Variants in NDEL1 observed in about 807,000 individuals in gnomAD.
NDEL1 encodes the protein nudE neurodevelopment protein 1 like 1, also known as nuclear distribution protein nudE-like 1.
A neutral mutation model predicts 45.7 loss-of-function variants in NDEL1; 9 were observed. The ratio of observed to expected loss-of-function variants is 0.20; its 90% CI spans 0.12 to 0.34. The LOEUF (loss-of-function observed/expected upper bound fraction) is 0.34. Ranked by LOEUF, NDEL1 falls within the 10% of genes least tolerant of loss-of-function variation. The pLI is 1.00. For synonymous variants in NDEL1, 133 were observed against 158.6 expected, an observed-to-expected ratio of 0.84 and a Z score of 1.21; for missense variants, 306 against 406.2, an observed-to-expected ratio of 0.75 and a Z score of 2.12.
At chr17:8,428,328 GTGTGTGTGTGTGTGT>G (rs1908895033) in intron 1 of NDEL1, among the ~76,000 whole-genome samples, 7 of 130,570 alleles carry the variant, frequency 5.4e-5, no homozygotes, top group Admixed American at 8.0e-5. Context: ...TGTGTGGTGT[GTGTGTGTGTGTGTGT>G]GTGTGTGTGT....
downstream of NDEL1, among the ~76,000 whole-genome samples, chr17:8,472,713 C>T (rs764364228): frequency 4.1e-5 from 6 of 145,476 alleles, no homozygotes; most frequent in Non-Finnish European, 9.0e-5. Flanking sequence ...AAATAGTCCA[C>T]TGGAATGGCT....
chr17:8,432,477 C>T (rs1032970300), upstream of NDEL1, among the ~76,000 whole-genome samples: 29 of 150,622 alleles, frequency 1.9e-4, no homozygotes, highest in African/African-American at 5.9e-4. Context: ...CTCCGCCTCC[C>T]GGGTTCATGC....
At chr17:8,472,450 G>C (rs1002006093), downstream of NDEL1, among the ~76,000 whole-genome samples, 1 of 152,132 alleles carries the variant, frequency 6.6e-6, no homozygotes, top group Admixed American at 6.5e-5. Context: ...CGTGAGGCCG[G>C]GAGTTCAAAA....
chr17:8,451,038 A>G (rs1310150696), intron 6 of NDEL1, 85 bp downstream of exon 6: 11 of 1,353,880 alleles, frequency 8.1e-6, no homozygotes, highest in Non-Finnish European at 1.1e-5. Context: ...GCTAAGGTTT[A>G]AAGAGTAATT....
intron 8 of NDEL1, 73 bp from the exon 9 acceptor site, chr17:8,466,857 T>G: frequency 1.4e-6 from 2 of 1,392,370 alleles, no homozygotes; most frequent in Non-Finnish European, 2.0e-6. Flanking sequence ...TAATTTCCTA[T>G]TGTGTGTGAG....
chr17:8,428,364 T>TA (rs1908900924), intron 1 of NDEL1, among the ~76,000 whole-genome samples: 1 of 105,568 alleles, frequency 9.5e-6, no homozygotes, highest in Admixed American at 9.9e-5. Flanking sequence ...GTGTGTGTAT[T>TA]TTTTTTTTTT....
intron 1 of NDEL1, among the ~76,000 whole-genome samples, chr17:8,441,901 C>T (rs1567729178): frequency 1.3e-5 from 2 of 151,106 alleles, no homozygotes; most frequent in East Asian, 1.9e-4. Context: ...CCCTCCTGAC[C>T]TTTTTTTTTA....
intron 6 of NDEL1, among the ~76,000 whole-genome samples, chr17:8,452,319 G>A (rs1488239102): frequency 1.3e-5 from 2 of 152,156 alleles, no homozygotes; most frequent in Non-Finnish European, 2.9e-5. Context: ...CCTCAGGTGC[G>A]GTGACACCCA....
downstream of NDEL1, among the ~76,000 whole-genome samples, chr17:8,471,185 T>G (rs1911826052): frequency 6.6e-6 from 1 of 152,188 alleles, no homozygotes; most frequent in African/African-American, 2.4e-5. Context: ...ATTTTCGCTC[T>G]TGTTGCCCAG....
At chr17:8,458,105 C>G (rs1401058323) in intron 7 of NDEL1, among the ~76,000 whole-genome samples, 1 of 152,090 alleles carries the variant, frequency 6.6e-6, no homozygotes, top group East Asian at 1.9e-4. Flanking sequence ...CTGGTGATCT[C>G]AGTGCTGTCA....
At chr17:8,435,072 AAAAC>A (rs151006832), upstream of NDEL1, among the ~76,000 whole-genome samples, 395 of 151,394 alleles carry the variant, frequency 2.6e-3, no homozygotes, top group South Asian at 0.014. Context: ...CTCCGTCTCA[AAAAC>A]AAACAAACAA....
rs1299261935 is a variant in NDEL1 at position 8,445,733 on chromosome 17, C to A, written c.109C>A (p.Leu37Ile). Residue 37 changes from leucine (L) to isoleucine (I), a missense_variant, in exon 3 of 9, where the codon CTA (leucine) becomes ATA (isoleucine). Physicochemically the swap from Leu to Ile is conservative, Grantham distance 5 (BLOSUM62 2). Transcript: ENST00000334527. ...KQSFQEARDE[L>I]VEFQEGSREL... Reference sequence around the variant, plus strand: ...TAGCTTCCAGGAAGCTCGGGATGAGCTAGTTGAATTCCAGGAAGGAAGCAG... The same window carrying A: ...TAGCTTCCAGGAAGCTCGGGATGAGATAGTTGAATTCCAGGAAGGAAGCAG... The A allele has an allele frequency of 1.3e-6, 2 of 1,595,020 alleles. No homozygotes were observed. Among genetic ancestry groups the A allele is most frequent in the Admixed American group, 3.6e-5 (2 of 56,144 alleles).
chr17:8,442,590 A>G (rs1158399926), intron 1 of NDEL1, among the ~76,000 whole-genome samples: 1 of 151,900 alleles, frequency 6.6e-6, no homozygotes, highest in Non-Finnish European at 1.5e-5. Flanking sequence ...TACAGGCATG[A>G]GCCACCGTGT....
chr17:8,428,710 T>G (rs1344993272), intron 1 of NDEL1, among the ~76,000 whole-genome samples: 1 of 149,144 alleles, frequency 6.7e-6, no homozygotes, highest in Non-Finnish European at 1.5e-5. Flanking sequence ...TGGAGTCTCT[T>G]TCACCCAGGC....
intron 1 of NDEL1, among the ~76,000 whole-genome samples, chr17:8,429,260 T>C (rs1347300916): frequency 6.6e-6 from 1 of 152,212 alleles, no homozygotes; most frequent in African/African-American, 2.4e-5. Context: ...ACCAGACCAT[T>C]GGTTCATTCT....
rs1597526014 is a variant in NDEL1, at chr17:8,438,964, T to A, written c.-13+2919T>A. On this transcript the variant is annotated intron_variant, in intron 1 of 8. Transcript: ENST00000334527. ...CTTTTTTTTTTTTTTTGAAACGGAGTCTCTCTCTGTCACCCAGGCTGGAGT... is the reference window on the plus strand; with the variant it reads ...CTTTTTTTTTTTTTTTGAAACGGAGACTCTCTCTGTCACCCAGGCTGGAGT... Among the ~76,000 whole-genome samples the A allele has an allele frequency of 6.9e-4, 2 of 2,892 alleles. 1 individual carries two copies. Among genetic ancestry groups the A allele is most frequent in the Non-Finnish European group, 0.33 (2 of 6 alleles). 1.9% of individuals were successfully genotyped at this position (2,892 alleles called of 152,430 possible).
At chr17:8,429,621 T>C (rs1322666395) in intron 1 of NDEL1, among the ~76,000 whole-genome samples, 1 of 152,122 alleles carries the variant, frequency 6.6e-6, no homozygotes, top group Admixed American at 6.5e-5. Context: ...GATAGGCCCA[T>C]AGAGGAAGGG....
intron 6 of NDEL1, among the ~76,000 whole-genome samples, chr17:8,453,730 A>C (rs901924528): frequency 8.5e-5 from 13 of 152,228 alleles, no homozygotes; most frequent in Non-Finnish European, 1.9e-4. Flanking sequence ...TAGGATTTAA[A>C]AAATTGATAT....
intron 1 of NDEL1, among the ~76,000 whole-genome samples, chr17:8,425,059 G>A (rs1017283141): frequency 2.6e-5 from 4 of 152,266 alleles, no homozygotes; most frequent in African/African-American, 9.6e-5. Flanking sequence ...GAGGGTGCTC[G>A]TTTCTCAGTG....
Sources: gnomAD v4.1 joint callset for allele counts (sites outside exome capture counted in the v4.1 genomes callset) on GRCh38, gnomAD v4.1.1 for gene constraint, MANE v1.5 for transcripts, NCBI Gene and HGNC (gene_info 2026-07-23, HGNC 2026-07-21) for gene names.